LRRC4C: variants seen among roughly 807,000 people sequenced by gnomAD.
LRRC4C encodes the protein leucine-rich repeat-containing protein 4C.
LRRC4C carries 5 observed loss-of-function variants against 33.6 expected under a neutral mutation model. The observed-to-expected ratio is 0.15, with a 90% CI of 0.08 to 0.31. The LOEUF is 0.31. Ranked by LOEUF, LRRC4C falls within the 10% of genes least tolerant of loss-of-function variation. The pLI, the probability that LRRC4C is intolerant of heterozygous loss-of-function variation, is 1.00. For missense variants in LRRC4C, 560 were observed against 796.7 expected (o/e 0.70, Z 3.58); for synonymous variants, 329 against 302.0 (o/e 1.09, Z -0.93).
At chr11:40,916,151 G>A (rs1260988485) in intron 2 of LRRC4C, among the ~76,000 whole-genome samples, 2 of 152,170 alleles carry the variant, frequency 1.3e-5, no homozygotes, top group African/African-American at 4.8e-5. Context: ...ATTCCTCAGG[G>A]ATCTAGAACT....
intron 3 of LRRC4C, among the ~76,000 whole-genome samples, chr11:40,595,371 C>G (rs7927392): frequency 6.6e-6 from 1 of 151,766 alleles, no homozygotes; most frequent in Non-Finnish European, 1.5e-5. Flanking sequence ...TTTTTGAACA[C>G]TCAGAGGAGT....
intron 1 of LRRC4C, among the ~76,000 whole-genome samples, chr11:41,083,747 G>A (rs560426005): frequency 6.6e-6 from 1 of 152,322 alleles, no homozygotes; most frequent in Non-Finnish European, 1.5e-5. Flanking sequence ...CTGCAGCAGA[G>A]ATAATGTACA....
At chr11:40,473,383 C>A (rs1353802254) in intron 3 of LRRC4C, among the ~76,000 whole-genome samples, 1 of 152,104 alleles carries the variant, frequency 6.6e-6, no homozygotes, top group Non-Finnish European at 1.5e-5. Flanking sequence ...GCAGAAAAGG[C>A]CTTCCATAAA....
At chr11:41,370,943 T>C (rs1409155525) in intron 1 of LRRC4C, among the ~76,000 whole-genome samples, 1 of 152,216 alleles carries the variant, frequency 6.6e-6, no homozygotes, top group African/African-American at 2.4e-5. Flanking sequence ...AAGGAGAATG[T>C]TAGTCTTGCT....
intron 1 of LRRC4C, among the ~76,000 whole-genome samples, chr11:40,971,008 C>A (rs1026192683): frequency 6.6e-6 from 1 of 152,112 alleles, no homozygotes; most frequent in Non-Finnish European, 1.5e-5. Context: ...AAAGAAATGA[C>A]CTGAAACTGG....
intron 3 of LRRC4C, among the ~76,000 whole-genome samples, chr11:40,611,536 G>A (rs541198006): frequency 5.3e-5 from 8 of 151,890 alleles, no homozygotes; most frequent in South Asian, 2.1e-4. Context: ...CAAACTAATC[G>A]CTTCTGCACA....
chr11:41,141,418 T>G (rs1369771284), intron 1 of LRRC4C, among the ~76,000 whole-genome samples: 1 of 152,158 alleles, frequency 6.6e-6, no homozygotes, highest in African/African-American at 2.4e-5. Context: ...TTGAAAAGTA[T>G]TAACTGAAAC....
At chr11:41,221,108 T>A (rs1056749557) in intron 1 of LRRC4C, among the ~76,000 whole-genome samples, 1 of 152,214 alleles carries the variant, frequency 6.6e-6, no homozygotes, top group South Asian at 2.1e-4. Context: ...CTAGTACCCA[T>A]TAGTTATTTT....
intron 1 of LRRC4C, among the ~76,000 whole-genome samples, chr11:41,244,137 T>C (rs1165938535): frequency 6.7e-6 from 1 of 150,224 alleles, no homozygotes; most frequent in Non-Finnish European, 1.5e-5. Flanking sequence ...TTGGCCTTCA[T>C]TTCATGCTAC....
At chr11:40,626,730 C>A (rs1018029777) in intron 3 of LRRC4C, among the ~76,000 whole-genome samples, 1 of 152,164 alleles carries the variant, frequency 6.6e-6, no homozygotes, top group African/African-American at 2.4e-5. Flanking sequence ...TACATCAATT[C>A]TCTTAGTTTC....
At chr11:40,495,857 T>G (rs1428999219) in intron 3 of LRRC4C, among the ~76,000 whole-genome samples, 2 of 117,506 alleles carry the variant, frequency 1.7e-5, no homozygotes, top group Admixed American at 1.1e-4. Context: ...TTTGAGAGAG[T>G]CTCGCATTAT....
intron 1 of LRRC4C, among the ~76,000 whole-genome samples, chr11:41,408,845 C>T (rs141711729): frequency 2.6e-5 from 4 of 151,810 alleles, no homozygotes; most frequent in East Asian, 1.9e-4. Flanking sequence ...TTCCACCACA[C>T]GGCTGTCTGC....
chr11:40,126,015 A>T (rs2134726125), intron 6 of LRRC4C, among the ~76,000 whole-genome samples: 1 of 152,248 alleles, frequency 6.6e-6, no homozygotes, highest in African/African-American at 2.4e-5. Flanking sequence ...GGGCTGAATC[A>T]GTAGGTAAAT....
At position 40,558,344 on chromosome 11, in the gene LRRC4C, C is replaced by T. The variant is rs186034456; in HGVS notation, c.-270+89798G>A. ...CTGATCAGCGTAGGGATACAATTTTCAATCTGCACAGTAATTCTGAAAGTG... is the reference window on the plus strand; with the variant it reads ...CTGATCAGCGTAGGGATACAATTTTTAATCTGCACAGTAATTCTGAAAGTG... On this transcript the variant is annotated intron_variant, in intron 3 of 6. Transcript: ENST00000528697. Among the ~76,000 whole-genome samples, 11 of 152,288 alleles carry T rather than the reference C, an allele frequency of 7.2e-5. No homozygotes were observed. In the East Asian group the frequency reaches 2.1e-3, roughly 29 times the overall value.
intron 2 of LRRC4C, among the ~76,000 whole-genome samples, chr11:40,720,478 G>T (rs937178339): frequency 1.3e-5 from 2 of 152,116 alleles, no homozygotes; most frequent in African/African-American, 4.8e-5. Context: ...TTCCTTAAGA[G>T]ATATAAGTTC....
At chr11:40,193,695 G>C (rs1180426266) in intron 5 of LRRC4C, among the ~76,000 whole-genome samples, 2 of 152,210 alleles carry the variant, frequency 1.3e-5, no homozygotes, top group South Asian at 4.1e-4. Context: ...ATGCAGGGAA[G>C]CTAAGAACCT....
intron 3 of LRRC4C, among the ~76,000 whole-genome samples, chr11:40,409,139 A>G (rs1950066383): frequency 6.6e-6 from 1 of 152,036 alleles, no homozygotes; most frequent in Admixed American, 6.6e-5. Context: ...CCAAGAATAC[A>G]TAATAAGGGA....
chr11:40,699,319 A>G (rs982426405), intron 2 of LRRC4C, among the ~76,000 whole-genome samples: 3 of 152,218 alleles, frequency 2.0e-5, no homozygotes, highest in Admixed American at 6.5e-5. Flanking sequence ...GTACACGCCA[A>G]ATGGCTAAAC....
chr11:40,898,660 A>T (rs1956075561), intron 2 of LRRC4C, among the ~76,000 whole-genome samples: 1 of 152,062 alleles, frequency 6.6e-6, no homozygotes, highest in Admixed American at 6.6e-5. Flanking sequence ...AAAACTCAGA[A>T]CTCCATTAGG....
Sources: gnomAD v4.1 joint callset for allele counts (sites outside exome capture counted in the v4.1 genomes callset) on GRCh38, gnomAD v4.1.1 for gene constraint, MANE v1.5 for transcripts, NCBI Gene and HGNC (gene_info 2026-07-23, HGNC 2026-07-21) for gene names.